EIF2B3: variants seen among roughly 807,000 people sequenced by gnomAD.
The protein encoded by EIF2B3 is eukaryotic translation initiation factor 2B subunit gamma, also known as translation initiation factor eIF2B subunit gamma.
Under a neutral mutation model 54.1 loss-of-function variants are expected in EIF2B3, and 20 were observed. The observed-to-expected ratio is 0.37, with a 90% confidence interval of 0.26 to 0.54. The LOEUF (loss-of-function observed/expected upper bound fraction) is 0.54. EIF2B3 is among the 20% of genes least tolerant of loss of function. The pLI is 0.86. For missense variants in EIF2B3, 448 were observed against 547.8 expected (o/e 0.82, Z 1.82); for synonymous variants, 153 against 188.1 (o/e 0.81, Z 1.52).
chr1:44,942,515 C>T (rs1398499181), intron 3 of EIF2B3, among the ~76,000 whole-genome samples: 1 of 143,564 alleles, frequency 7.0e-6, no homozygotes, highest in Non-Finnish European at 1.5e-5. Flanking sequence ...GCAGCCTCGA[C>T]CTGCCAGGCT....
chr1:44,877,204 A>T (rs1286048511), intron 8 of EIF2B3, among the ~76,000 whole-genome samples: 4 of 147,238 alleles, frequency 2.7e-5, no homozygotes, highest in African/African-American at 5.1e-5. Flanking sequence ...AAAAAAAAAA[A>T]AAAAAAAAAA....
chr1:44,974,283 C>T (rs1283375746), intron 3 of EIF2B3, among the ~76,000 whole-genome samples: 2 of 150,980 alleles, frequency 1.3e-5, no homozygotes, highest in African/African-American at 4.9e-5. Context: ...CAGACCAGGC[C>T]TGGGCAATAC....
intron 5 of EIF2B3, among the ~76,000 whole-genome samples, chr1:44,902,517 AAAAG>A (rs1199648688): frequency 2.0e-5 from 3 of 152,150 alleles, no homozygotes; most frequent in Middle Eastern, 3.4e-3. Context: ...AAAAAAGAAA[AAAAG>A]AAAGAAAGAA....
At chr1:44,964,351 G>A (rs1644315617) in intron 3 of EIF2B3, among the ~76,000 whole-genome samples, 1 of 152,018 alleles carries the variant, frequency 6.6e-6, no homozygotes, top group African/African-American at 2.4e-5. Flanking sequence ...ATCTTCCCTT[G>A]ACCAACTGTA....
intron 8 of EIF2B3, among the ~76,000 whole-genome samples, chr1:44,876,150 G>A (rs922348167): frequency 6.6e-6 from 1 of 152,118 alleles, no homozygotes; most frequent in Admixed American, 6.5e-5. Flanking sequence ...CCTCCCAGCC[G>A]CCTGCCTTGG....
intron 5 of EIF2B3, among the ~76,000 whole-genome samples, chr1:44,909,883 T>TA (rs889508669): frequency 2.6e-5 from 4 of 152,180 alleles, no homozygotes; most frequent in Non-Finnish European, 1.5e-5. Context: ...ATCAAGGGTT[T>TA]AAACCATTTC....
Position 44,850,888 on chromosome 1 carries a change from G to C in EIF2B3, c.*63C>G, listed in dbSNP as rs1456572617. 7 of 1,567,042 alleles carry C rather than the reference G, an allele frequency of 4.5e-6. No individual in the cohort carries two copies. Among genetic ancestry groups the C allele is most frequent in the Non-Finnish European group, 6.2e-6 (7 of 1,137,368 alleles). On this transcript the variant is annotated 3_prime_UTR_variant, in exon 12 of 12. Coordinates refer to ENST00000360403, the MANE Select transcript of EIF2B3 (RefSeq NM_020365.5). ...TGGGAAATAAATACAGAGTTAAACA[G>C]GTGGGCCGGCCAACATCTGTGGCTT...
At chr1:44,946,394 CAGA>C (rs1237678673) in intron 3 of EIF2B3, among the ~76,000 whole-genome samples, 7 of 151,282 alleles carry the variant, frequency 4.6e-5, no homozygotes, top group Non-Finnish European at 8.8e-5. Flanking sequence ...CTGGAAATCT[CAGA>C]AGAAGAAAGA....
rs752698337 is a variant in EIF2B3, at chr1:44,881,783, GA to G, written c.657-45del. On this transcript the variant is annotated intron_variant, in intron 6 of 11. Transcript: ENST00000360403. This position sits in a 1 kb window ranked among gnomAD's most constrained non-coding sequence, Gnocchi z 4.0. ...CAAATATGAGAAACCTGACTGTCTG[GA>G]ACATACCCGGATCAAAAGCTCTGTG... 18 of 1,610,250 alleles carry G rather than the reference GA, an allele frequency of 1.1e-5. No individual in the cohort carries two copies.
At chr1:44,965,246 T>C (rs1644325328) in intron 3 of EIF2B3, among the ~76,000 whole-genome samples, 1 of 152,180 alleles carries the variant, frequency 6.6e-6, no homozygotes, top group Non-Finnish European at 1.5e-5. Flanking sequence ...CTAAGTATGT[T>C]TTACACAAAA....
At chr1:44,975,332 T>G (rs2148962650) in intron 3 of EIF2B3, among the ~76,000 whole-genome samples, 1 of 152,266 alleles carries the variant, frequency 6.6e-6, no homozygotes, top group East Asian at 1.9e-4. Flanking sequence ...TTCTGAGAAA[T>G]CCGGTATGTT....
intron 3 of EIF2B3, among the ~76,000 whole-genome samples, chr1:44,951,084 C>T (rs1036956256): frequency 1.3e-5 from 2 of 152,190 alleles, no homozygotes; most frequent in African/African-American, 2.4e-5. Flanking sequence ...ATGGCTGAGA[C>T]TCCATGACCT....
intron 5 of EIF2B3, among the ~76,000 whole-genome samples, chr1:44,902,939 G>A (rs578210465): frequency 6.6e-6 from 1 of 150,640 alleles, no homozygotes; most frequent in Admixed American, 6.7e-5. Context: ...CTGTACCCGT[G>A]TTTCAATATT....
chr1:44,889,396 G>C (rs572647080), intron 6 of EIF2B3, among the ~76,000 whole-genome samples: 1 of 151,962 alleles, frequency 6.6e-6, no homozygotes, highest in African/African-American at 2.4e-5. Context: ...CACCGGCCGG[G>C]TGTGGTGGCC....
intron 4 of EIF2B3, among the ~76,000 whole-genome samples, chr1:44,930,304 A>T (rs1462555452): frequency 6.6e-6 from 1 of 152,214 alleles, no homozygotes; most frequent in African/African-American, 2.4e-5. Flanking sequence ...TGAGAAAGGA[A>T]CAGGCAAATT....
chr1:44,983,001 C>T (rs972821962), intron 1 of EIF2B3, among the ~76,000 whole-genome samples: 11 of 152,144 alleles, frequency 7.2e-5, no homozygotes, highest in Admixed American at 4.6e-4. Flanking sequence ...AACTCCCAAC[C>T]TCAGGTGATC....
intron 3 of EIF2B3, among the ~76,000 whole-genome samples, chr1:44,955,159 T>A (rs1162334709): frequency 1.3e-5 from 2 of 152,072 alleles, no homozygotes; most frequent in Non-Finnish European, 2.9e-5. Flanking sequence ...ATGGTACTGG[T>A]ACCAAAACAG....
intron 5 of EIF2B3, among the ~76,000 whole-genome samples, chr1:44,898,125 T>C (rs1327155795): frequency 6.6e-6 from 1 of 152,188 alleles, no homozygotes; most frequent in Admixed American, 6.5e-5. Context: ...CATGCCATGC[T>C]TTCTTTTGCC....
intron 10 of EIF2B3, among the ~76,000 whole-genome samples, chr1:44,870,911 G>A (rs1025868395): frequency 1.3e-5 from 2 of 152,062 alleles, no homozygotes; most frequent in African/African-American, 4.8e-5. Context: ...GCCTCCCAAA[G>A]TGCTGGGACT....
Sources: gnomAD v4.1 joint callset for allele counts (sites outside exome capture counted in the v4.1 genomes callset) on GRCh38, gnomAD v4.1.1 for gene constraint, Gnocchi (gnomAD v3.1) non-coding constraint, MANE v1.5 for transcripts, NCBI Gene and HGNC (gene_info 2026-07-23, HGNC 2026-07-21) for gene names.